Variants in TENM2 observed in about 807,000 individuals in gnomAD.
TENM2 encodes teneurin transmembrane protein 2.
TENM2 carries 52 observed loss-of-function variants against 245.2 expected under a neutral mutation model. The observed-to-expected ratio is 0.21, with a 90% CI of 0.17 to 0.27. The LOEUF (loss-of-function observed/expected upper bound fraction) is 0.27, where lower values mean the gene tolerates loss of function less well. Among genes scored for constraint, TENM2 ranks in the 10% least tolerant of loss-of-function variants. TENM2 has a pLI of 1.00. For synonymous variants in TENM2, 1,363 were observed against 1,438.9 expected (o/e 0.95, Z 1.19); for missense variants, 3,046 against 3,666.8 (o/e 0.83, Z 4.37).
the TENM2 span, among the ~76,000 whole-genome samples, chr5:167,167,920 G>A: frequency 6.6e-6 from 1 of 152,014 alleles, no homozygotes; most frequent in East Asian, 1.9e-4. Context: ...GAAAAGTTAA[G>A]AATTACACAT....
intron 2 of TENM2, among the ~76,000 whole-genome samples, chr5:167,483,407 A>G (rs1767877469): frequency 6.6e-6 from 1 of 152,314 alleles, no homozygotes; most frequent in Middle Eastern, 3.4e-3. Flanking sequence ...TGATTAAATT[A>G]GTTATGTGTA....
chr5:167,779,349 C>G (rs1019331419), intron 2 of TENM2, among the ~76,000 whole-genome samples: 3 of 152,158 alleles, frequency 2.0e-5, no homozygotes, highest in African/African-American at 7.2e-5. Context: ...AACCAAGAAG[C>G]AACCAAACAA....
intron 12 of TENM2, among the ~76,000 whole-genome samples, chr5:168,132,511 C>T (rs757438218): frequency 4.6e-5 from 7 of 152,308 alleles, no homozygotes; most frequent in African/African-American, 9.6e-5. Context: ...TCGTACTCTG[C>T]GCTGTTCCCT....
chr5:167,407,704 C>T (rs1201803137), intron 2 of TENM2, among the ~76,000 whole-genome samples: 1 of 152,116 alleles, frequency 6.6e-6, no homozygotes, highest in East Asian at 1.9e-4. Context: ...GTAATCTCAG[C>T]TACTCTGGAG....
chr5:167,918,161 T>C (rs1777088832), intron 3 of TENM2, among the ~76,000 whole-genome samples: 1 of 152,148 alleles, frequency 6.6e-6, no homozygotes, highest in Non-Finnish European at 1.5e-5. Context: ...CTTGCATCTG[T>C]GAGATCATGA....
chr5:167,063,585 A>G, the TENM2 span, among the ~76,000 whole-genome samples: 1 of 152,082 alleles, frequency 6.6e-6, no homozygotes, highest in Non-Finnish European at 1.5e-5. Context: ...GACTTTGATT[A>G]TTTGTTTGTT....
chr5:167,823,164 C>T (rs1170822289), intron 2 of TENM2, among the ~76,000 whole-genome samples: 2 of 151,556 alleles, frequency 1.3e-5, no homozygotes, highest in Admixed American at 1.3e-4. Context: ...GGGAAATTTC[C>T]CTTTTTTTTG....
intron 2 of TENM2, among the ~76,000 whole-genome samples, chr5:167,577,072 G>GT (rs1480482622): frequency 3.3e-5 from 5 of 152,182 alleles, no homozygotes; most frequent in African/African-American, 9.7e-5. Flanking sequence ...GAACTGCTCT[G>GT]CTTGTAATCA....
At chr5:167,037,471 T>C in the TENM2 span, among the ~76,000 whole-genome samples, 5 of 152,234 alleles carry the variant, frequency 3.3e-5, no homozygotes, top group South Asian at 2.1e-4. Context: ...GTTTAGACAC[T>C]TGTTCAAATA....
chr5:167,201,421 T>C, the TENM2 span, among the ~76,000 whole-genome samples: 3 of 152,092 alleles, frequency 2.0e-5, no homozygotes, highest in African/African-American at 7.2e-5. Flanking sequence ...AACCAGAAAA[T>C]AGAGAAGTTC....
chr5:167,238,694 C>CAAAAAAAAAAAAAAAAAA, the TENM2 span, among the ~76,000 whole-genome samples: 1 of 58,120 alleles, frequency 1.7e-5, no homozygotes, highest in African/African-American at 5.0e-5. Context: ...ACAGGAGATG[C>CAAAAAAAAAAAAAAAAAA]AAAAAAAAAA....
At chr5:167,614,438 G>A (rs997311017) in intron 2 of TENM2, among the ~76,000 whole-genome samples, 8 of 152,034 alleles carry the variant, frequency 5.3e-5, no homozygotes, top group Admixed American at 3.9e-4. Context: ...AGTAATATAC[G>A]AAGACAGCCC....
At chr5:168,227,136 A>G (rs996592767) in intron 24 of TENM2, among the ~76,000 whole-genome samples, 1 of 152,180 alleles carries the variant, frequency 6.6e-6, no homozygotes, top group East Asian at 1.9e-4. Flanking sequence ...TCCTTTGCCC[A>G]GACAGTCAGG....
chr5:168,030,836 G>C (rs1402224965), intron 5 of TENM2, among the ~76,000 whole-genome samples: 1 of 152,210 alleles, frequency 6.6e-6, no homozygotes, highest in Non-Finnish European at 1.5e-5. Context: ...TTTTTACACA[G>C]TGGCATCTCC....
intron 2 of TENM2, among the ~76,000 whole-genome samples, chr5:167,710,439 A>C (rs1220736790): frequency 6.6e-6 from 1 of 152,188 alleles, no homozygotes; most frequent in Non-Finnish European, 1.5e-5. Context: ...CTAGGAAAGG[A>C]GAATGACAGA....
intron 2 of TENM2, among the ~76,000 whole-genome samples, chr5:167,873,429 A>G (rs1245404886): frequency 6.6e-6 from 1 of 152,162 alleles, no homozygotes; most frequent in African/African-American, 2.4e-5. Flanking sequence ...GAACTTTGAA[A>G]TAGTTAAACC....
chr5:167,322,812 T>C (rs1368169250), intron 1 of TENM2, among the ~76,000 whole-genome samples: 2 of 152,220 alleles, frequency 1.3e-5, no homozygotes, highest in Non-Finnish European at 2.9e-5. Context: ...TTCAAAACTA[T>C]AGTCTTTAAA....
intron 2 of TENM2, among the ~76,000 whole-genome samples, chr5:167,644,587 A>G (rs1421213690): frequency 6.6e-6 from 1 of 152,204 alleles, no homozygotes; most frequent in Non-Finnish European, 1.5e-5. Flanking sequence ...CGAGGCTGGA[A>G]TAAGATAAAC....
At chr5:167,124,213 T>C in the TENM2 span, among the ~76,000 whole-genome samples, 16 of 152,318 alleles carry the variant, frequency 1.1e-4, 1 homozygote, top group Admixed American at 9.8e-4. Flanking sequence ...TTCTCAGCTT[T>C]AAAATTCTAG....
Sources: gnomAD v4.1 joint callset for allele counts (sites outside exome capture counted in the v4.1 genomes callset) on GRCh38, gnomAD v4.1.1 for gene constraint, MANE v1.5 for transcripts, NCBI Gene and HGNC (gene_info 2026-07-23, HGNC 2026-07-21) for gene names.